Variants in THOC1 observed in about 807,000 individuals in gnomAD.
THOC1 encodes the protein THO complex subunit 1.
In THOC1, 29 loss-of-function variants were observed where a neutral mutation model predicts 97.3. That is an observed-to-expected ratio of 0.30 (90% confidence interval 0.22 to 0.41). The LOEUF (loss-of-function observed/expected upper bound fraction) is 0.41, where lower values mean the gene tolerates loss of function less well. Ranked by LOEUF, THOC1 falls within the 10% of genes least tolerant of loss-of-function variation. The pLI is 1.00. For missense variants in THOC1, 529 were observed against 761.9 expected, an observed-to-expected ratio of 0.69 and a Z score of 3.60; for synonymous variants, 255 against 257.0, an observed-to-expected ratio of 0.99 and a Z score of 0.07.
intron 3 of THOC1, chr18:265,030 C>T (rs1912719009): frequency 5.5e-6 from 2 of 363,348 alleles, no homozygotes; most frequent in South Asian, 8.4e-5. Flanking sequence ...GAGAGCCCAC[C>T]TTCACCTCTA....
chr18:216,717 GTATT>G (rs1460808357), intron 18 of THOC1, 84 bp from the exon 19 acceptor site: 1 of 1,428,162 alleles, frequency 7.0e-7, no homozygotes. Flanking sequence ...GTGTAATTCT[GTATT>G]TAAGGTAAAT....
chr18:260,015 C>A, intron 5 of THOC1, 171 bp downstream of exon 5: 1 of 529,738 alleles, frequency 1.9e-6, no homozygotes, highest in East Asian at 3.4e-5. Flanking sequence ...TTTTTCTCCA[C>A]ACATGGTTTT....
rs577752454 is a variant in THOC1, at chr18:221,661, T to G, written c.1370+1779A>C. On this transcript the variant is annotated intron_variant, in intron 17 of 20. Transcript: ENST00000261600. ...TCTCGCTCTGTCGCCCAGGCTGGAG[T>G]GCAGTGGTGCGATCTCGACTCACTG... Among the ~76,000 whole-genome samples, 302 of 142,080 alleles carry G rather than the reference T, an allele frequency of 2.1e-3. 1 individual carries two copies. The highest frequency in any genetic ancestry group is 1.9e-3 in the Non-Finnish European group (130 of 66,832). 93.2% of individuals were successfully genotyped at this position (142,080 alleles called of 152,430 possible).
In THOC1 at chr18:227,396, A is replaced by G. The variant is rs1911330075; in HGVS notation, c.919-495T>C. 2.0e-5 allele frequency among the ~76,000 whole-genome samples: 3 copies of G among 152,208 alleles called. No homozygotes were observed. In the South Asian group the frequency reaches 6.2e-4, roughly 32 times the overall value. On this transcript the variant is annotated intron_variant, in intron 11 of 20. Transcript: ENST00000261600. ...GAAATAATGGCTAAAGAAGATACGG[A>G]TAACAGCACAATATCAACGGGGACC...
intron 8 of THOC1, among the ~76,000 whole-genome samples, chr18:253,328 T>C (rs1428586253): frequency 6.6e-6 from 1 of 152,220 alleles, no homozygotes; most frequent in Non-Finnish European, 1.5e-5. Context: ...ACTGATGCAA[T>C]ATTATACACT....
At chr18:226,543 C>A in intron 12 of THOC1, 1 of 342,720 alleles carries the variant, frequency 2.9e-6, no homozygotes, top group South Asian at 3.9e-5. Context: ...GGAGCAGAGA[C>A]CTCCACCTGC....
chr18:220,155 A>G (rs1053419535), intron 17 of THOC1, among the ~76,000 whole-genome samples: 1 of 152,084 alleles, frequency 6.6e-6, no homozygotes, highest in South Asian at 2.1e-4. Flanking sequence ...TTGTCTTCCC[A>G]CTCTTTGCTC....
intron 18 of THOC1, 115 bp from the exon 19 acceptor site, chr18:216,748 CTTT>C: frequency 1.5e-6 from 2 of 1,329,512 alleles, no homozygotes; most frequent in Admixed American, 6.5e-5. Flanking sequence ...AAGTGCCATT[CTTT>C]GTATTTGAAT....
intron 1 of THOC1, 75 bp from the exon 2 acceptor site, chr18:265,605 A>G (rs1443639729): frequency 8.4e-7 from 1 of 1,197,166 alleles, no homozygotes; most frequent in East Asian, 2.6e-5. Flanking sequence ...TCGTTCATTG[A>G]TAGTGTATCT....
In THOC1 at chr18:247,834, T is replaced by C. The variant is rs16976866; in HGVS notation, c.786+15A>G. On this transcript the variant is annotated intron_variant, in intron 10 of 20. Transcript: ENST00000261600. Reference sequence around the variant, plus strand: ...AAAATACTGGGCTTCTGATAGTCTGTCAATGGCAACTTACCTTGAGAAAAG... The same window carrying C: ...AAAATACTGGGCTTCTGATAGTCTGCCAATGGCAACTTACCTTGAGAAAAG... The C allele has an allele frequency of 6.6e-7, 1 of 1,518,366 alleles. No individual in the cohort carries two copies. Among genetic ancestry groups the C allele is most frequent in the East Asian group, 2.3e-5 (1 of 44,262 alleles). 94.1% of individuals were successfully genotyped at this position (1,518,366 alleles called of 1,614,324 possible). A position where few individuals can be genotyped will look rare whatever the true frequency, so the allele number is the denominator to read the frequency against.
At chr18:266,305 G>T (rs1174056784) in intron 1 of THOC1, among the ~76,000 whole-genome samples, 1 of 152,152 alleles carries the variant, frequency 6.6e-6, no homozygotes, top group African/African-American at 2.4e-5. Context: ...GTAATTTGGG[G>T]CCTGTTCCTT....
rs192468951 is a variant in THOC1 at position 218,608 on chromosome 18, G to C, written c.1454+278C>G. On this transcript the variant is annotated intron_variant, in intron 18 of 20. Transcript: ENST00000261600. ...GAGATACTGTGCTTTGAAGGGTAGAGAGAACAGAACTAATAGTTGGAGAGA... is the reference window on the plus strand; with the variant it reads ...GAGATACTGTGCTTTGAAGGGTAGACAGAACAGAACTAATAGTTGGAGAGA... 4.6e-5 allele frequency among the ~76,000 whole-genome samples: 7 copies of C among 152,240 alleles called. No homozygotes were observed. In the East Asian group the frequency reaches 1.4e-3, roughly 29 times the overall value.
chr18:260,376 C>T (rs1039176377), intron 4 of THOC1, 72 bp from the exon 5 acceptor site: 15 of 954,532 alleles, frequency 1.6e-5, no homozygotes, highest in Non-Finnish European at 1.9e-5. Context: ...AAAAATAATT[C>T]TGAAGAATAT....
At chr18:221,909 A>T (rs1911107078) in intron 17 of THOC1, among the ~76,000 whole-genome samples, 1 of 152,050 alleles carries the variant, frequency 6.6e-6, no homozygotes, top group Non-Finnish European at 1.5e-5. Flanking sequence ...CGCCTGGCCG[A>T]TAGATCTTTA....
At position 216,270 on chromosome 18, in the gene THOC1, T is replaced by G; in HGVS notation, c.1602+216A>C. The G allele has an allele frequency of 5.6e-6, 3 of 539,194 alleles. No individual in the cohort carries two copies. The East Asian group carries it at 1.0e-4, about 18-fold the overall frequency. The allele number at this position is 539,194 out of a possible 1,614,324, so 33.4% of individuals were successfully genotyped here. ...CCCACAGCCCTGTTGAACTTTAAAT[T>G]ACATGCTGTACAGAAAATTATCAGT... On this transcript the variant is annotated intron_variant, in intron 19 of 20. Transcript: ENST00000261600.
chr18:216,958 C>T (rs513894), intron 18 of THOC1, among the ~76,000 whole-genome samples: 95,057 of 152,024 alleles, frequency 0.63, 29,907 homozygotes, highest in South Asian at 0.76. Flanking sequence ...GGATGCAGTA[C>T]GTATACAACA....
Position 259,285 on chromosome 18 carries a change from T to C in THOC1, c.425-10A>G. ...AATCTTCTTAGGAGATCTAACAATATATGAAAATGAACGTTACACAGAAAA... is the reference window on the plus strand; with the variant it reads ...AATCTTCTTAGGAGATCTAACAATACATGAAAATGAACGTTACACAGAAAA... On this transcript the variant is annotated splice_polypyrimidine_tract_variant and intron_variant, in intron 6 of 20. Coordinates refer to ENST00000261600, the MANE Select transcript of THOC1 (RefSeq NM_005131.3). 6.3e-7 allele frequency: 1 copy of C among 1,582,778 alleles called. No homozygotes were observed.
intron 11 of THOC1, among the ~76,000 whole-genome samples, chr18:227,497 A>G (rs949114749): frequency 1.3e-5 from 2 of 152,042 alleles, no homozygotes; most frequent in Non-Finnish European, 2.9e-5. Context: ...AGAGGTGAAG[A>G]TCATCTCTGA....
At chr18:224,702 ATGTT>A (rs912167155) in intron 15 of THOC1, among the ~76,000 whole-genome samples, 2 of 152,172 alleles carry the variant, frequency 1.3e-5, no homozygotes, top group African/African-American at 4.8e-5. Flanking sequence ...CAATAATAAG[ATGTT>A]TGTTCCAGGA....
Sources: allele counts gnomAD v4.1 joint callset (sites outside exome capture counted in the v4.1 genomes callset), GRCh38; gene constraint gnomAD v4.1.1; transcripts MANE v1.5; gene names NCBI Gene and HGNC (gene_info 2026-07-23, HGNC 2026-07-21).